AGBL4: variants seen among roughly 807,000 people sequenced by gnomAD.
The protein encoded by AGBL4 is cytosolic carboxypeptidase 6.
In AGBL4, 58 loss-of-function variants were observed where a neutral mutation model predicts 66.4. The observed-to-expected ratio is 0.87, with a 90% confidence interval of 0.71 to 1.09. AGBL4 has a LOEUF of 1.09. Among genes scored for constraint, AGBL4 ranks in the 50% least tolerant of loss-of-function variants. The pLI, the probability that AGBL4 is intolerant of heterozygous loss-of-function variation, is 0.00. For synonymous variants in AGBL4, 234 were observed against 222.9 expected (o/e 1.05, Z -0.44); for missense variants, 579 against 631.0 (o/e 0.92, Z 0.88).
intron 5 of AGBL4, among the ~76,000 whole-genome samples, chr1:48,991,843 T>C (rs1331619521): frequency 2.0e-5 from 3 of 152,160 alleles, no homozygotes; most frequent in Admixed American, 2.0e-4. Flanking sequence ...TTTTCAATTA[T>C]TTTAATCTTT....
In AGBL4 at chr1:48,781,145, G is replaced by A. The variant is rs148571553; in HGVS notation, c.634+86046C>T. Among the ~76,000 whole-genome samples the A allele has an allele frequency of 8.5e-5, 13 of 152,304 alleles. No homozygotes were observed. In the East Asian group the frequency reaches 2.5e-3, roughly 29 times the overall value. On this transcript the variant is annotated intron_variant, in intron 6 of 13. Coordinates refer to ENST00000371839, the MANE Select transcript of AGBL4 (RefSeq NM_032785.4). ...ATGTCACTGTAAATCATTCCTATAA[G>A]GAGGCAGTTCCATTTTCCGATAACC...
At chr1:49,995,585 A>T (rs994749833) in intron 1 of AGBL4, 21 of 285,942 alleles carry the variant, frequency 7.3e-5, no homozygotes, top group Non-Finnish European at 1.5e-4. Flanking sequence ...AAGACAAAGA[A>T]CATAGTCTCT....
At chr1:48,926,470 T>C (rs970367567) in intron 5 of AGBL4, among the ~76,000 whole-genome samples, 11 of 150,130 alleles carry the variant, frequency 7.3e-5, no homozygotes, top group Non-Finnish European at 1.6e-4. Context: ...GTATTTTTAG[T>C]AGAGATGGGG....
intron 11 of AGBL4, among the ~76,000 whole-genome samples, chr1:48,550,793 C>T (rs1454580077): frequency 6.8e-6 from 1 of 148,020 alleles, no homozygotes; most frequent in Non-Finnish European, 1.5e-5. Context: ...TCCACCCCAC[C>T]TGACCTACAC....
intron 3 of AGBL4, among the ~76,000 whole-genome samples, chr1:49,283,134 G>A (rs1644316872): frequency 6.6e-6 from 1 of 152,190 alleles, no homozygotes; most frequent in Non-Finnish European, 1.5e-5. Flanking sequence ...TGACAGCTTT[G>A]AAGAGAGCAG....
At chr1:48,703,162 C>T (rs1646829170) in intron 6 of AGBL4, among the ~76,000 whole-genome samples, 1 of 152,144 alleles carries the variant, frequency 6.6e-6, no homozygotes, top group Non-Finnish European at 1.5e-5. Flanking sequence ...GAGAATGCTT[C>T]AGAGACCATC....
chr1:49,515,802 A>G (rs913577851), intron 3 of AGBL4, among the ~76,000 whole-genome samples: 1 of 148,642 alleles, frequency 6.7e-6, no homozygotes, highest in Non-Finnish European at 1.5e-5. Context: ...AAAACCAAAC[A>G]CCACATATTC....
At chr1:48,543,226 G>C (rs1034033561) in intron 11 of AGBL4, among the ~76,000 whole-genome samples, 6 of 152,138 alleles carry the variant, frequency 3.9e-5, no homozygotes, top group African/African-American at 1.4e-4. Context: ...AGGTGAGGGG[G>C]GCATGCAGGG....
chr1:49,740,148 G>A (rs1650306523), intron 2 of AGBL4, among the ~76,000 whole-genome samples: 2 of 152,154 alleles, frequency 1.3e-5, no homozygotes, highest in African/African-American at 4.8e-5. Context: ...CTGTATTCAG[G>A]AAACCCATCT....
chr1:50,010,958 T>C (rs1381620686), intron 1 of AGBL4, among the ~76,000 whole-genome samples: 1 of 151,870 alleles, frequency 6.6e-6, no homozygotes, highest in Non-Finnish European at 1.5e-5. Context: ...AAAGCAAAAA[T>C]GGACAAATGG....
chr1:49,636,969 C>T (rs1352622875), intron 3 of AGBL4, among the ~76,000 whole-genome samples: 2 of 152,120 alleles, frequency 1.3e-5, no homozygotes, highest in South Asian at 2.1e-4. Context: ...TCTGGGTGGG[C>T]ACCATTTAAC....
intron 3 of AGBL4, among the ~76,000 whole-genome samples, chr1:49,332,736 A>T (rs555387432): frequency 6.6e-6 from 1 of 152,312 alleles, no homozygotes; most frequent in South Asian, 2.1e-4. Context: ...ATGCTCCAAG[A>T]CAATGAAAAT....
intron 1 of AGBL4, among the ~76,000 whole-genome samples, chr1:49,966,345 C>A (rs1246943335): frequency 2.6e-5 from 4 of 152,108 alleles, no homozygotes; most frequent in Non-Finnish European, 5.9e-5. Context: ...AAAATTGTAT[C>A]CTGTTTCTGC....
intron 5 of AGBL4, among the ~76,000 whole-genome samples, chr1:48,979,889 A>T (rs1203752793): frequency 6.6e-6 from 1 of 152,152 alleles, no homozygotes; most frequent in Admixed American, 6.5e-5. Context: ...AATTTTTAAA[A>T]TTTTTATTTT....
At chr1:49,329,319 A>G (rs1329503255) in intron 3 of AGBL4, among the ~76,000 whole-genome samples, 1 of 151,996 alleles carries the variant, frequency 6.6e-6, no homozygotes, top group African/African-American at 2.4e-5. Context: ...AACAAAACAA[A>G]ACAAAAACCT....
chr1:49,770,110 C>T (rs759993528), intron 2 of AGBL4, among the ~76,000 whole-genome samples: 3 of 152,038 alleles, frequency 2.0e-5, no homozygotes, highest in Middle Eastern at 3.2e-3. Flanking sequence ...GAGGCTGGGG[C>T]GGATCACGAG....
At chr1:49,630,885 T>C (rs1440685428) in intron 3 of AGBL4, among the ~76,000 whole-genome samples, 1 of 152,166 alleles carries the variant, frequency 6.6e-6, no homozygotes, top group Non-Finnish European at 1.5e-5. Flanking sequence ...AATCGTTAAA[T>C]AGCTAACCAT....
At chr1:48,879,299 G>A (rs1649530352) in intron 5 of AGBL4, among the ~76,000 whole-genome samples, 1 of 151,982 alleles carries the variant, frequency 6.6e-6, no homozygotes, top group Non-Finnish European at 1.5e-5. Context: ...GTGTGCACGA[G>A]TGTGCACACA....
rs188183886 is a variant in AGBL4 at position 49,109,797 on chromosome 1, C to T, written c.378-63997G>A. Among the ~76,000 whole-genome samples, 67 of 152,172 alleles carry T rather than the reference C, an allele frequency of 4.4e-4. No individual in the cohort carries two copies. The South Asian group carries it at 6.9e-3, about 16-fold the overall frequency. On this transcript the variant is annotated intron_variant, in intron 4 of 13. Coordinates refer to ENST00000371839, the MANE Select transcript of AGBL4 (RefSeq NM_032785.4). ...TCCCCGTCCACTTTCATTTTTCTTA[C>T]TGACTTCTATATTCATGCATCATCC...
Sources: gnomAD v4.1 joint callset for allele counts (sites outside exome capture counted in the v4.1 genomes callset) on GRCh38, gnomAD v4.1.1 for gene constraint, MANE v1.5 for transcripts, NCBI Gene and HGNC (gene_info 2026-07-23, HGNC 2026-07-21) for gene names.